Variants in KDM2B observed in about 807,000 individuals in gnomAD.
KDM2B encodes the protein lysine demethylase 2B.
Under a neutral mutation model 150.0 loss-of-function variants are expected in KDM2B, and 26 were observed. The observed-to-expected ratio is 0.17, with a 90% CI of 0.13 to 0.24. The LOEUF (loss-of-function observed/expected upper bound fraction) is 0.24, where lower values mean the gene tolerates loss of function less well. Among genes scored for constraint, KDM2B ranks in the 10% least tolerant of loss-of-function variants. KDM2B has a pLI of 1.00. For synonymous variants in KDM2B, 734 were observed against 729.5 expected (o/e 1.01, Z -0.10); for missense variants, 1,265 against 1,816.9 (o/e 0.70, Z 5.52).
At chr12:121,440,536 G>A (rs1555287913) in intron 21 of KDM2B, 9 of 440,718 alleles carry the variant, frequency 2.0e-5, no homozygotes, top group South Asian at 1.5e-4. Context: ...CCCCATGAGC[G>A]AGTCAATAAG....
intron 4 of KDM2B, among the ~76,000 whole-genome samples, chr12:121,562,173 T>TG (rs1387899186): frequency 6.7e-6 from 1 of 149,130 alleles, no homozygotes; most frequent in Non-Finnish European, 1.5e-5. Context: ...GACTCTGTCT[T>TG]GGGGAAAAAA....
intron 22 of KDM2B, among the ~76,000 whole-genome samples, chr12:121,436,446 G>A (rs1278037135): frequency 6.6e-6 from 1 of 151,846 alleles, no homozygotes; most frequent in Non-Finnish European, 1.5e-5. Context: ...GCGTGAACCT[G>A]GGAGGCGGAG....
At chr12:121,512,202 G>A (rs1164204888) in intron 10 of KDM2B, among the ~76,000 whole-genome samples, 1 of 152,052 alleles carries the variant, frequency 6.6e-6, no homozygotes, top group Non-Finnish European at 1.5e-5. Flanking sequence ...TACCAGGCTG[G>A]GAGCTCCAGA....
chr12:121,417,146 A>G, the KDM2B span, among the ~76,000 whole-genome samples: 1 of 152,150 alleles, frequency 6.6e-6, no homozygotes, highest in Non-Finnish European at 1.5e-5. This position sits in a 1 kb window ranked among gnomAD's most constrained non-coding sequence, Gnocchi z 5.0. Context: ...AAATGGAGGA[A>G]ATTGTTCATG....
chr12:121,517,197 C>G (rs1689660613), intron 9 of KDM2B, among the ~76,000 whole-genome samples: 1 of 152,004 alleles, frequency 6.6e-6, no homozygotes, highest in African/African-American at 2.4e-5. Context: ...CCACTCGTTG[C>G]TGTCACTCTT....
At chr12:121,544,439 G>A (rs956181997) in intron 6 of KDM2B, among the ~76,000 whole-genome samples, 32 of 151,966 alleles carry the variant, frequency 2.1e-4, no homozygotes, top group Non-Finnish European at 4.3e-4. Context: ...GTGAAACCCC[G>A]TCTCTACTAA....
chr12:121,554,567 C>G (rs1015414425), intron 4 of KDM2B, among the ~76,000 whole-genome samples: 2 of 151,990 alleles, frequency 1.3e-5, no homozygotes, highest in Non-Finnish European at 2.9e-5. Context: ...CCTGCCACCA[C>G]GCCCAGCTAA....
Position 121,467,147 on chromosome 12 carries a change from G to C in KDM2B, c.1735-13803C>G. 1 of 1,122,994 alleles carries C rather than the reference G, an allele frequency of 8.9e-7. No homozygotes were observed. Among genetic ancestry groups the C allele is most frequent in the Non-Finnish European group, 1.1e-6 (1 of 899,014 alleles). The allele number at this position is 1,122,994 out of a possible 1,614,324, so 69.6% of individuals were successfully genotyped here. A position where few individuals can be genotyped will look rare whatever the true frequency, so the allele number is the denominator to read the frequency against. On this transcript the variant is annotated intron_variant, in intron 12 of 22. Transcript: ENST00000377071. This position sits in a 1 kb window ranked among gnomAD's most constrained non-coding sequence, Gnocchi z 5.1. ...CGGGTCCCTCCCTCAGCCCCACCCC[G>C]GGCCGCCGACCTGGTCCGGCTCCGA...
chr12:121,580,764 T>C, intron 1 of KDM2B, 22 bp downstream of exon 1: 1 of 1,607,914 alleles, frequency 6.2e-7, no homozygotes, highest in Non-Finnish European at 8.5e-7. Context: ...TCTTCTTTCA[T>C]CCACCCCTCC....
chr12:121,417,246 A>T, the KDM2B span, among the ~76,000 whole-genome samples: 45 of 152,374 alleles, frequency 3.0e-4, 1 homozygote, highest in East Asian at 8.7e-3. The surrounding 1 kb of genome is among the most constrained non-coding windows in gnomAD (Gnocchi z 5.0). Flanking sequence ...CAAGGGGTGG[A>T]AAGGTTTTAA....
the KDM2B span, among the ~76,000 whole-genome samples, chr12:121,413,414 C>T: frequency 1.0e-5 from 1 of 96,694 alleles, no homozygotes; most frequent in East Asian, 3.9e-4. Context: ...TTTTACCTGT[C>T]CTTTTTTTTT....
At chr12:121,564,324 G>A (rs1225668067) in intron 4 of KDM2B, among the ~76,000 whole-genome samples, 1 of 151,876 alleles carries the variant, frequency 6.6e-6, no homozygotes, top group Non-Finnish European at 1.5e-5. Flanking sequence ...CGGGCGTGGT[G>A]GCGGGCACCT....
intron 12 of KDM2B, among the ~76,000 whole-genome samples, chr12:121,486,333 CTTTTT>C (rs71079073): frequency 2.2e-4 from 13 of 59,018 alleles, no homozygotes; most frequent in South Asian, 9.1e-4. Flanking sequence ...TTTCGAACTC[CTTTTT>C]TTTTTTTTTT....
chr12:121,580,336 TG>T (rs1226315945), intron 1 of KDM2B: 5 of 875,374 alleles, frequency 5.7e-6, no homozygotes, highest in Middle Eastern at 6.1e-4. Flanking sequence ...CCGGGCTATT[TG>T]GGGGGGCTCT....
chr12:121,513,973 G>A lies in KDM2B; in HGVS notation c.1048-571C>T, dbSNP rs1439659049. On this transcript the variant is annotated intron_variant, in intron 9 of 22. Transcript: ENST00000377071. This position sits in a 1 kb window ranked among gnomAD's most constrained non-coding sequence, Gnocchi z 5.0. ...TGGCCTCGCCTACCTCCAGGGGTGG[G>A]GCCTTGAAGGGGTCCATCTCCTGCT... is the stretch of plus-strand genomic sequence containing the variant. Among the ~76,000 whole-genome samples the A allele has an allele frequency of 6.6e-6, 1 of 152,060 alleles. No homozygotes were observed. The highest frequency in any genetic ancestry group is 1.5e-5 in the Non-Finnish European group (1 of 68,022).
chr12:121,520,500 G>C lies in KDM2B; in HGVS notation c.1047+485C>G, dbSNP rs548954913. On this transcript the variant is annotated intron_variant, in intron 9 of 22. Coordinates refer to ENST00000377071, the MANE Select transcript of KDM2B (RefSeq NM_032590.5). This position sits in a 1 kb window ranked among gnomAD's most constrained non-coding sequence, Gnocchi z 4.5. Reference sequence around the variant, plus strand: ...AGACTACCTCAGAGACAGTACCCAGGGGGACTCAGGCACTGGCTTCCTCAG... The same window carrying C: ...AGACTACCTCAGAGACAGTACCCAGCGGGACTCAGGCACTGGCTTCCTCAG... Among the ~76,000 whole-genome samples, 12 of 152,202 alleles carry C rather than the reference G, an allele frequency of 7.9e-5. No homozygotes were observed. The highest frequency in any genetic ancestry group is 2.6e-4 in the Admixed American group (4 of 15,272).
chr12:121,540,754 C>CA (rs60199948), intron 6 of KDM2B, among the ~76,000 whole-genome samples: 684 of 64,302 alleles, frequency 0.011, 11 homozygotes, highest in Non-Finnish European at 0.014. Flanking sequence ...GACTCTGTCT[C>CA]AAAAAAAAAA....
chr12:121,478,906 CAG>C (rs1157539037), intron 12 of KDM2B, among the ~76,000 whole-genome samples: 1 of 42,896 alleles, frequency 2.3e-5, no homozygotes, highest in African/African-American at 7.8e-5. Context: ...TTTGTAGAGA[CAG>C]AGTTTCGTCA....
At position 121,430,176 on chromosome 12, in the gene KDM2B, AATTGC is replaced by A; in HGVS notation, c.*107_*111del. ...TCCCTTGGAAAGACTTGCAAAATGG[AATTGC>A]GTTGTGGTCTGTTGTCCCACGTTCC... On this transcript the variant is annotated 3_prime_UTR_variant, in exon 23 of 23. Coordinates refer to ENST00000377071, the MANE Select transcript of KDM2B (RefSeq NM_032590.5). This position sits in a 1 kb window ranked among gnomAD's most constrained non-coding sequence, Gnocchi z 4.4. 6.2e-7 allele frequency: 1 copy of A among 1,614,140 alleles called. No homozygotes were observed. Among genetic ancestry groups the A allele is most frequent in the Non-Finnish European group, 8.5e-7 (1 of 1,180,014 alleles).
Sources: gnomAD v4.1 joint callset for allele counts (sites outside exome capture counted in the v4.1 genomes callset) on GRCh38, gnomAD v4.1.1 for gene constraint, Gnocchi (gnomAD v3.1) non-coding constraint, MANE v1.5 for transcripts, NCBI Gene and HGNC (gene_info 2026-07-23, HGNC 2026-07-21) for gene names.